The following XPO1 variants were observed in gnomAD, a reference collection of about 807,000 sequenced individuals.
XPO1 encodes exportin 1, also known as exportin-1.
A neutral mutation model predicts 133.3 loss-of-function variants in XPO1; 5 were observed. The ratio of observed to expected loss-of-function variants is 0.04; its 90% CI spans 0.02 to 0.08. The LOEUF (loss-of-function observed/expected upper bound fraction) is 0.08. XPO1 is among the 10% of genes least tolerant of loss of function. The pLI is 1.00. For synonymous variants in XPO1, 419 were observed against 408.2 expected (o/e 1.03, Z -0.32); for missense variants, 506 against 1,267.5 (o/e 0.40, Z 9.12).
At position 61,537,795 on chromosome 2, in the gene XPO1, C is replaced by G. The variant is rs1019823705; in HGVS notation, c.-240G>C. The G allele has an allele frequency of 1.3e-5, 2 of 148,740 alleles. No homozygotes were observed. The highest frequency in any genetic ancestry group is 2.0e-4 in the East Asian group (1 of 5,000). The allele number at this position is 148,740 out of a possible 1,614,324, so 9.2% of individuals were successfully genotyped here. On this transcript the variant is annotated 5_prime_UTR_variant, in exon 1 of 25. Transcript: ENST00000401558. ...CACACACACACACACCCGCCCCCCCCCAAAAGGGGAATTAATCTGGGGAAT... is the reference window on the plus strand; with the variant it reads ...CACACACACACACACCCGCCCCCCCGCAAAAGGGGAATTAATCTGGGGAAT...
chr2:61,518,113 G>C (rs1335592516), intron 4 of XPO1, among the ~76,000 whole-genome samples: 3 of 151,266 alleles, frequency 2.0e-5, no homozygotes, highest in South Asian at 4.2e-4. Flanking sequence ...CTGGGTGACA[G>C]AGAGGGACTC....
chr2:61,518,705 A>C (rs982692907), intron 4 of XPO1, among the ~76,000 whole-genome samples: 1 of 152,180 alleles, frequency 6.6e-6, no homozygotes, highest in Admixed American at 6.5e-5. Context: ...TATAGTTTGA[A>C]GGATGGGGAA....
intron 2 of XPO1, among the ~76,000 whole-genome samples, chr2:61,531,053 T>G (rs1699133354): frequency 6.6e-6 from 1 of 152,246 alleles, no homozygotes; most frequent in South Asian, 2.1e-4. Context: ...AGAATCAAAT[T>G]AAGACGTCTA....
rs546882770 is a variant in XPO1, at chr2:61,482,598, T to G, written c.2813-59A>C. On this transcript the variant is annotated intron_variant, in intron 22 of 24. Transcript: ENST00000401558. ...TGTAATATAACTATAGATCTTAGCG[T>G]TTTTTTTTGTTTTGTTTTTTTTTTT... 255 of 1,260,892 alleles carry G rather than the reference T, an allele frequency of 2.0e-4. 1 individual carries two copies. The highest frequency in any genetic ancestry group is 5.3e-4 in the African/African-American group (23 of 43,514). The allele number at this position is 1,260,892 out of a possible 1,614,324, so 78.1% of individuals were successfully genotyped here.
At chr2:61,524,994 T>C (rs939823829) in intron 3 of XPO1, among the ~76,000 whole-genome samples, 1 of 152,006 alleles carries the variant, frequency 6.6e-6, no homozygotes, top group Non-Finnish European at 1.5e-5. Flanking sequence ...AAGCCAATGA[T>C]AAATCACTAC....
chr2:61,507,243 C>CAAAAAAAAA (rs55737388), intron 4 of XPO1, among the ~76,000 whole-genome samples: 19,037 of 62,936 alleles, frequency 0.3, 3,580 homozygotes, highest in East Asian at 0.45. Flanking sequence ...GACTCCATCT[C>CAAAAAAAAA]AAAAAAAAAA....
In XPO1 at chr2:61,488,769, A is replaced by G; in HGVS notation, c.2025T>C (p.Asn675=). The change falls in exon 18 of 25, where the codon AAT becomes AAC. Residue 675 remains asparagine (N), a splice_region_variant and synonymous_variant. Coordinates refer to ENST00000401558, the MANE Select transcript of XPO1 (RefSeq NM_003400.4). ...WDSIIQQATK[N]VDILKDPETV... ...TTTCAGGATCTTTCAGTATATCCACATTCTTGGAGGAAAAAAAGCAAATTC... is the reference window on the plus strand; with the variant it reads ...TTTCAGGATCTTTCAGTATATCCACGTTCTTGGAGGAAAAAAAGCAAATTC... The G allele has an allele frequency of 6.2e-7, 1 of 1,611,708 alleles. No homozygotes were observed. The highest frequency in any genetic ancestry group is 8.5e-7 in the Non-Finnish European group (1 of 1,179,192).
At chr2:61,494,133 T>G (rs375790089) in intron 11 of XPO1, 42 bp from the exon 12 acceptor site, 1 of 1,557,286 alleles carries the variant, frequency 6.4e-7, no homozygotes, top group Non-Finnish European at 8.7e-7. Flanking sequence ...TCTTAAACAT[T>G]ACCAACTTCA....
chr2:61,498,683 A>C lies in XPO1; in HGVS notation c.749T>G (p.Leu250Trp). Residue 250 changes from leucine (L) to tryptophan (W), a missense_variant, in exon 9 of 25, where the codon TTG becomes TGG. Leu to Trp is a moderately conservative substitution (Grantham distance 61, BLOSUM62 -2). This residue lies in a region of XPO1 where 134 missense variants were observed against 261.6 expected (regional missense o/e 0.51). Coordinates refer to ENST00000401558, the MANE Select transcript of XPO1 (RefSeq NM_003400.4). ...ATGTATTCACTGTACCTTATAAATC[A>C]ATGTGCTGATTAATTTGGTCTCAAA... ...YIFETKLIST[L>W]IYKFLNVPMF... 4 of 1,613,756 alleles carry C rather than the reference A, an allele frequency of 2.5e-6. No individual in the cohort carries two copies. The highest frequency in any genetic ancestry group is 3.4e-6 in the Non-Finnish European group (4 of 1,179,904).
intron 2 of XPO1, among the ~76,000 whole-genome samples, chr2:61,532,317 CG>C (rs1699190724): frequency 6.6e-6 from 1 of 151,748 alleles, no homozygotes; most frequent in South Asian, 2.1e-4. Context: ...TTAGTAGAGA[CG>C]GGGTTTCACC....
intron 4 of XPO1, among the ~76,000 whole-genome samples, chr2:61,509,394 AGGCGGGC>A (rs1697979880): frequency 6.6e-6 from 1 of 152,138 alleles, no homozygotes; most frequent in African/African-American, 2.4e-5. Flanking sequence ...TCCCAACACA[AGGCGGGC>A]GGCTCACCTG....
At chr2:61,486,864 TG>T (rs757117206) in intron 19 of XPO1, among the ~76,000 whole-genome samples, 6 of 152,172 alleles carry the variant, frequency 3.9e-5, no homozygotes, top group Non-Finnish European at 7.4e-5. Flanking sequence ...GGACTTGAGC[TG>T]GGGTGATTCG....
At chr2:61,517,094 G>A (rs980046739) in intron 4 of XPO1, among the ~76,000 whole-genome samples, 32 of 151,844 alleles carry the variant, frequency 2.1e-4, no homozygotes, top group Non-Finnish European at 1.3e-4. Flanking sequence ...AGTAGAGACC[G>A]GGTTTCACCA....
intron 2 of XPO1, among the ~76,000 whole-genome samples, chr2:61,529,481 C>G (rs2104808665): frequency 6.6e-6 from 1 of 152,184 alleles, no homozygotes; most frequent in Admixed American, 6.5e-5. Flanking sequence ...CATGGTGAAA[C>G]CCCGTCTCTA....
intron 21 of XPO1, chr2:61,483,515 G>A (rs1043540994): frequency 3.7e-5 from 7 of 187,898 alleles, no homozygotes; most frequent in Non-Finnish European, 5.4e-5. Context: ...ACTTATTCAT[G>A]TAACCAAAAA....
At chr2:61,491,272 C>A (rs1474293345) in intron 16 of XPO1, among the ~76,000 whole-genome samples, 1 of 151,764 alleles carries the variant, frequency 6.6e-6, no homozygotes, top group Non-Finnish European at 1.5e-5. Context: ...ATGAGCCTGA[C>A]CAACATGGAG....
In XPO1 at chr2:61,515,615, A is replaced by G. The variant is rs138320989; in HGVS notation, c.301+6996T>C. On this transcript the variant is annotated intron_variant, in intron 4 of 24. Coordinates refer to ENST00000401558, the MANE Select transcript of XPO1 (RefSeq NM_003400.4). ...TCTAATGCCCAAAACCTTGCAACAC[A>G]AACTGAAATATGAGGTCAAATAATG... is the stretch of plus-strand genomic sequence containing the variant. Among the ~76,000 whole-genome samples the G allele has an allele frequency of 2.6e-3, 391 of 152,298 alleles. 2 individuals carry two copies. The highest frequency in any genetic ancestry group is 9.1e-3 in the African/African-American group (379 of 41,566).
At chr2:61,517,901 A>T (rs899158452) in intron 4 of XPO1, among the ~76,000 whole-genome samples, 5 of 152,118 alleles carry the variant, frequency 3.3e-5, no homozygotes, top group African/African-American at 1.2e-4. Context: ...TGGGAGGGTG[A>T]GGATCACCTG....
rs1246783556 is a variant in XPO1 at position 61,477,907 on chromosome 2, G to C, written c.*913C>G. ...ACAAATACCCACTATCATTAATATA[G>C]GAATAAATGAGTCAATAAAGGAAAA... On this transcript the variant is annotated 3_prime_UTR_variant, in exon 25 of 25. Coordinates refer to ENST00000401558, the MANE Select transcript of XPO1 (RefSeq NM_003400.4). 1.4e-5 allele frequency: 3 copies of C among 214,118 alleles called. No homozygotes were observed. The highest frequency in any genetic ancestry group is 2.8e-5 in the Non-Finnish European group (3 of 105,894). 13.3% of individuals were successfully genotyped at this position (214,118 alleles called of 1,614,324 possible).
Sources: gnomAD v4.1 joint callset for allele counts (sites outside exome capture counted in the v4.1 genomes callset) on GRCh38, gnomAD v4.1.1 for gene constraint, gnomAD v4.1.1 regional missense constraint, MANE v1.5 for transcripts, NCBI Gene and HGNC (gene_info 2026-07-23, HGNC 2026-07-21) for gene names.